SIL1: variants seen among roughly 807,000 people sequenced by gnomAD.
SIL1 encodes SIL1 nucleotide exchange factor, also known as nucleotide exchange factor SIL1.
Under a neutral mutation model 49.1 loss-of-function variants are expected in SIL1, and 40 were observed. That is an observed-to-expected ratio of 0.81 (90% CI 0.63 to 1.06). The LOEUF is 1.06. Among genes scored for constraint, SIL1 ranks in the 50% least tolerant of loss-of-function variants. The pLI is 0.00. For synonymous variants in SIL1, 253 were observed against 250.8 expected, an observed-to-expected ratio of 1.01 and a Z score of -0.08; for missense variants, 500 against 572.6, an observed-to-expected ratio of 0.87 and a Z score of 1.29.
At position 138,947,622 on chromosome 5, in the gene SIL1, AGTCT is replaced by A. The variant is rs1232947285; in HGVS notation, c.1030-153_1030-150del. On this transcript the variant is annotated intron_variant, in intron 9 of 9. Transcript: ENST00000394817. This position sits in a 1 kb window ranked among gnomAD's most constrained non-coding sequence, Gnocchi z 4.1. Reference sequence around the variant, plus strand: ...GGGCCCACCTCTTCCTCTATCCCCAAGTCTGTCTGTCTATTCATTCATTCATCCA... The same window carrying A: ...GGGCCCACCTCTTCCTCTATCCCCAAGTCTGTCTATTCATTCATTCATCCA... 3 of 686,570 alleles carry A rather than the reference AGTCT, an allele frequency of 4.4e-6. No homozygotes were observed. Among genetic ancestry groups the A allele is most frequent in the Non-Finnish European group, 7.9e-6 (3 of 381,642 alleles). The allele number at this position is 686,570 out of a possible 1,614,324, so 42.5% of individuals were successfully genotyped here. A position where few individuals can be genotyped will look rare whatever the true frequency, so the allele number is the denominator to read the frequency against.
intron 5 of SIL1, 82 bp from the exon 6 acceptor site, chr5:139,027,074 C>T (rs1768675066): frequency 1.5e-6 from 2 of 1,305,460 alleles, no homozygotes; most frequent in Non-Finnish European, 2.2e-6. Flanking sequence ...GATGCCCATC[C>T]TCAAAAAACT....
intron 1 of SIL1, among the ~76,000 whole-genome samples, chr5:139,143,338 CACACACATATAT>C (rs1305859304): frequency 1.4e-4 from 12 of 84,220 alleles, no homozygotes; most frequent in African/African-American, 7.9e-4. Context: ...CACACACACA[CACACACATATAT>C]ATATATATAT....
At chr5:139,010,700 A>C (rs1768235977) in intron 7 of SIL1, among the ~76,000 whole-genome samples, 1 of 150,714 alleles carries the variant, frequency 6.6e-6, no homozygotes, top group Admixed American at 6.6e-5. Flanking sequence ...CCTCAGCTGC[A>C]GGTCTGTTGG....
chr5:139,071,717 G>T (rs1482293801), intron 3 of SIL1, among the ~76,000 whole-genome samples: 1 of 149,332 alleles, frequency 6.7e-6, no homozygotes, highest in Admixed American at 6.7e-5. Context: ...GCCCAGGCTG[G>T]AGTGCAGTGG....
At chr5:139,106,729 C>T (rs1242420752) in intron 3 of SIL1, among the ~76,000 whole-genome samples, 7 of 152,190 alleles carry the variant, frequency 4.6e-5, no homozygotes, top group Non-Finnish European at 7.3e-5. Flanking sequence ...CTTCTACAAA[C>T]CCTGCTATTA....
chr5:138,995,416 G>A (rs1159092622), intron 7 of SIL1, among the ~76,000 whole-genome samples: 1 of 151,444 alleles, frequency 6.6e-6, no homozygotes, highest in Non-Finnish European at 1.5e-5. Flanking sequence ...GGCTAATTTT[G>A]TTTTAGTAGA....
rs141773828 is a variant in SIL1, at chr5:139,108,137, G to C, written c.244+12898C>G. 27 of 152,322 alleles carry C rather than the reference G, an allele frequency of 1.8e-4. 1 individual carries two copies. The Middle Eastern group carries it at 0.01, about 58-fold the overall frequency. The allele number at this position is 152,322 out of a possible 1,614,324, so 9.4% of individuals were successfully genotyped here. On this transcript the variant is annotated intron_variant, in intron 3 of 9. Coordinates refer to ENST00000394817, the MANE Select transcript of SIL1 (RefSeq NM_022464.5). Reference sequence around the variant, plus strand: ...TTATAGGCTTTATCTTTCTTCCAAAGACGACGAAATACTCCACTTGAATTT... The same window carrying C: ...TTATAGGCTTTATCTTTCTTCCAAACACGACGAAATACTCCACTTGAATTT...
chr5:139,129,001 G>A (rs1208941135), intron 1 of SIL1, among the ~76,000 whole-genome samples: 3 of 152,152 alleles, frequency 2.0e-5, no homozygotes, highest in Non-Finnish European at 4.4e-5. Flanking sequence ...ACAAAAATTT[G>A]CTGGGTGTGG....
chr5:139,046,979 G>A (rs554313423), intron 4 of SIL1, among the ~76,000 whole-genome samples: 37 of 152,216 alleles, frequency 2.4e-4, no homozygotes, highest in African/African-American at 8.9e-4. Context: ...TGTGGAGGCT[G>A]TTTTGTTTAT....
intron 1 of SIL1, among the ~76,000 whole-genome samples, chr5:139,197,593 G>GA (rs1324095696): frequency 1.3e-5 from 2 of 152,132 alleles, no homozygotes; most frequent in Non-Finnish European, 2.9e-5. Context: ...CTGATTCCTG[G>GA]CTTTTCCCAC....
intron 3 of SIL1, among the ~76,000 whole-genome samples, chr5:139,110,688 A>C (rs1770821063): frequency 6.6e-6 from 1 of 152,228 alleles, no homozygotes; most frequent in African/African-American, 2.4e-5. Context: ...TGGGCTCTTG[A>C]CAGGCTGCCA....
intron 7 of SIL1, among the ~76,000 whole-genome samples, chr5:138,987,275 G>A (rs909340132): frequency 6.6e-6 from 1 of 151,450 alleles, no homozygotes; most frequent in Non-Finnish European, 1.5e-5. Flanking sequence ...ACTCTTGGTT[G>A]CTTTTTGTAT....
At chr5:139,014,228 A>C (rs113657165) in intron 7 of SIL1, 10 of 152,278 alleles carry the variant, frequency 6.6e-5, no homozygotes, top group African/African-American at 1.9e-4. Flanking sequence ...TTAGCCGGGC[A>C]TGGTGGCACA....
intron 3 of SIL1, among the ~76,000 whole-genome samples, chr5:139,060,398 T>C (rs1206955165): frequency 6.6e-6 from 1 of 152,164 alleles, no homozygotes; most frequent in Admixed American, 6.5e-5. Flanking sequence ...TTTTCTGAAA[T>C]TATATAGTTG....
At chr5:139,056,342 G>A (rs1325125244) in intron 3 of SIL1, among the ~76,000 whole-genome samples, 2 of 151,028 alleles carry the variant, frequency 1.3e-5, no homozygotes, top group African/African-American at 2.4e-5. Context: ...GGGAGGTGAG[G>A]AGCATCTCTG....
chr5:139,068,220 A>T (rs1769749118), intron 3 of SIL1, among the ~76,000 whole-genome samples: 1 of 152,206 alleles, frequency 6.6e-6, no homozygotes, highest in African/African-American at 2.4e-5. Flanking sequence ...TATCAAAACC[A>T]AGTGCAAAGG....
intron 1 of SIL1, among the ~76,000 whole-genome samples, chr5:139,132,683 A>T (rs1288470151): frequency 6.6e-6 from 1 of 152,204 alleles, no homozygotes; most frequent in Non-Finnish European, 1.5e-5. Context: ...TACAAACTAC[A>T]GCATGCAGGC....
chr5:138,995,701 T>C (rs1190269430), intron 7 of SIL1, among the ~76,000 whole-genome samples: 1 of 152,170 alleles, frequency 6.6e-6, no homozygotes, highest in Non-Finnish European at 1.5e-5. Flanking sequence ...AACCAACCTC[T>C]CTTCATCTCC....
At chr5:138,967,820 TATAA>T in intron 7 of SIL1, among the ~76,000 whole-genome samples, 1 of 151,094 alleles carries the variant, frequency 6.6e-6, no homozygotes, top group Middle Eastern at 3.4e-3. Context: ...CGACAGCCTA[TATAA>T]ATAGAGTCTT....
Sources: gnomAD v4.1 joint callset for allele counts (sites outside exome capture counted in the v4.1 genomes callset) on GRCh38, gnomAD v4.1.1 for gene constraint, Gnocchi (gnomAD v3.1) non-coding constraint, MANE v1.5 for transcripts, NCBI Gene and HGNC (gene_info 2026-07-23, HGNC 2026-07-21) for gene names.